KANK3: variants seen among roughly 807,000 people sequenced by gnomAD.
The protein encoded by KANK3 is KN motif and ankyrin repeat domain-containing protein 3.
In KANK3, 61 loss-of-function variants were observed where a neutral mutation model predicts 65.4. The ratio of observed to expected loss-of-function variants is 0.93; its 90% CI spans 0.76 to 1.15. The LOEUF (loss-of-function observed/expected upper bound fraction) is 1.15, where lower values mean the gene tolerates loss of function less well. Among genes scored for constraint, KANK3 ranks in the 50% most tolerant of loss-of-function variants. KANK3 has a pLI of 0.00. For synonymous variants in KANK3, 586 were observed against 543.3 expected, an observed-to-expected ratio of 1.08 and a Z score of -1.09; for missense variants, 1,187 against 1,178.8, an observed-to-expected ratio of 1.01 and a Z score of -0.10.
chr19:8,335,161 C>T lies in KANK3; in HGVS notation c.666G>A (p.Ala222=). The change falls in exon 3 of 11, where the codon GCG becomes GCA. Residue 222 remains alanine (A), a synonymous_variant. Coordinates refer to ENST00000330915, the MANE Select transcript of KANK3 (RefSeq NM_198471.3). ...GCTGCGCGCGCCCGGCCAGCAGCCGCGCCTTCTCGGCGCGCAGCGCGCGCA... is the reference window on the plus strand; with the variant it reads ...GCTGCGCGCGCCCGGCCAGCAGCCGTGCCTTCTCGGCGCGCAGCGCGCGCA... The part of the protein sequence containing the change: ...EQVRALRAEK[A]RLLAGRAQPE... 1 of 1,215,920 alleles carries T rather than the reference C, an allele frequency of 8.2e-7. No homozygotes were observed. Among genetic ancestry groups the T allele is most frequent in the Non-Finnish European group, 1.0e-6 (1 of 978,900 alleles). 75.3% of individuals were successfully genotyped at this position (1,215,920 alleles called of 1,614,324 possible). A position where few individuals can be genotyped will look rare whatever the true frequency, so the allele number is the denominator to read the frequency against.
At chr19:8,342,286 G>A (rs1280582754) in intron 1 of KANK3, among the ~76,000 whole-genome samples, 1 of 152,098 alleles carries the variant, frequency 6.6e-6, no homozygotes, top group Non-Finnish European at 1.5e-5. Flanking sequence ...AACCACCAAG[G>A]AGCCTCAGGG....
intron 7 of KANK3, among the ~76,000 whole-genome samples, chr19:8,328,458 TTC>T (rs1970467690): frequency 6.7e-6 from 1 of 148,866 alleles, no homozygotes; most frequent in African/African-American, 2.5e-5. Context: ...TTCCTGAAAG[TTC>T]TGTGGGAGCA....
In KANK3 at chr19:8,322,908, A is replaced by G. The variant is rs1400470425; in HGVS notation, c.2397T>C (p.Pro799=). 2 of 1,544,694 alleles carry G rather than the reference A, an allele frequency of 1.3e-6. No individual in the cohort carries two copies. The highest frequency in any genetic ancestry group is 1.7e-6 in the Non-Finnish European group (2 of 1,145,454). Residue 799 remains proline, a synonymous_variant, in exon 11 of 11, where the codon CCT becomes CCC. Transcript: ENST00000330915. ...GQPDTQSESP[P]GSQTATPGEG... ...CACCAGGTGTGGCTGTCTGGGAGCC[A>G]GGGGGTGACTCGCTCTGGAGAGAGG...
In KANK3 at chr19:8,334,181, G is replaced by A. The variant is rs905443281; in HGVS notation, c.1428-65C>T. The stretch of plus-strand genomic sequence containing the variant: ...TGGGCTCGTTCTGGAGTCCTGCGAT[G>A]TGGGTGTGGCCGTTCCCATTTAACG... On this transcript the variant is annotated intron_variant, in intron 4 of 10. Coordinates refer to ENST00000330915, the MANE Select transcript of KANK3 (RefSeq NM_198471.3). The A allele has an allele frequency of 4.0e-6, 6 of 1,494,138 alleles. No individual in the cohort carries two copies. In the African/African-American group the frequency reaches 7.0e-5, roughly 17 times the overall value. 92.6% of individuals were successfully genotyped at this position (1,494,138 alleles called of 1,614,324 possible).
chr19:8,324,583 A>G, intron 9 of KANK3, 36 bp from the exon 10 acceptor site: 3 of 1,612,524 alleles, frequency 1.9e-6, no homozygotes, highest in South Asian at 2.2e-5. Flanking sequence ...TCCCTGAGCC[A>G]AGCCATGGGC....
intron 10 of KANK3, 186 bp from the exon 11 acceptor site, chr19:8,323,108 G>A: frequency 4.2e-6 from 2 of 477,204 alleles, no homozygotes; most frequent in East Asian, 7.1e-5. Context: ...CCCTTCCAGT[G>A]GGGTGAGTAC....
chr19:8,341,456 G>A (rs917447477), intron 1 of KANK3, among the ~76,000 whole-genome samples: 8 of 152,074 alleles, frequency 5.3e-5, no homozygotes, highest in Admixed American at 4.6e-4. Context: ...TGTCGCCCAG[G>A]CTGGAGTGCA....
Position 8,335,224 on chromosome 19 carries a change from C to T in KANK3, c.603G>A (p.Glu201=). 6 of 1,226,978 alleles carry T rather than the reference C, an allele frequency of 4.9e-6. No individual in the cohort carries two copies. The highest frequency in any genetic ancestry group is 6.1e-6 in the Non-Finnish European group (6 of 983,104). 76.0% of individuals were successfully genotyped at this position (1,226,978 alleles called of 1,614,324 possible). Residue 201 remains glutamate, a synonymous_variant, in exon 3 of 11, where the codon GAG becomes GAA. Transcript: ENST00000330915. The stretch of plus-strand genomic sequence containing the variant: ...GCTCGGGCAGCGTTCGCGCCTGGTC[C>T]TCGAGCTCGCGCAGGCGCCGCAGCG... ...AAALRRLREL[E]DQARTLPELQ... is the part of the protein sequence containing the mutation.
chr19:8,324,318 A>T (rs996186641), intron 10 of KANK3, 131 bp downstream of exon 10: 1 of 754,886 alleles, frequency 1.3e-6, no homozygotes, highest in African/African-American at 1.8e-5. Flanking sequence ...ACATAGGAGA[A>T]TCCAGACACT....
rs760119579 is a variant in KANK3 at position 8,333,933 on chromosome 19, C to G, written c.1611G>C (p.Glu537Asp). ...ACCTCCCCTGTGCCACCTGCTGAGGCTCTGCCTCCGCCTCGGGCTCAGGGT... is the reference window on the plus strand; with the variant it reads ...ACCTCCCCTGTGCCACCTGCTGAGGGTCTGCCTCCGCCTCGGGCTCAGGGT... Reference protein sequence around the residue: ...IRDPEPEAEAEPQQVAQGRCE... With the variant: ...IRDPEPEAEADPQQVAQGRCE... The change falls in exon 5 of 11, where the codon GAG (glutamate) becomes GAC (aspartate). Residue 537 changes from glutamate (E) to aspartate (D), a missense_variant. Around this residue, in one of 3 missense-constraint regions of KANK3, gnomAD observed 1,078 missense variants for 1,038.2 expected, o/e 1.04. Transcript: ENST00000330915. This position sits in a 1 kb window ranked among gnomAD's most constrained non-coding sequence, Gnocchi z 5.0. The G allele has an allele frequency of 1.9e-6, 3 of 1,577,448 alleles. No homozygotes were observed. Among genetic ancestry groups the G allele is most frequent in the Non-Finnish European group, 2.6e-6 (3 of 1,164,766 alleles).
At chr19:8,332,849 A>G in intron 7 of KANK3, 165 bp downstream of exon 7, 1 of 355,200 alleles carries the variant, frequency 2.8e-6, no homozygotes, top group Non-Finnish European at 4.9e-6. Flanking sequence ...AATAAAATAA[A>G]ATAATAAAAT....
At position 8,333,712 on chromosome 19, in the gene KANK3, C is replaced by T. The variant is rs535792407; in HGVS notation, c.1719+12G>A. 1.5e-5 allele frequency: 22 copies of T among 1,448,920 alleles called. No individual in the cohort carries two copies. The Admixed American group carries it at 3.7e-4, about 24-fold the overall frequency. The allele number at this position is 1,448,920 out of a possible 1,614,324, so 89.8% of individuals were successfully genotyped here. A position where few individuals can be genotyped will look rare whatever the true frequency, so the allele number is the denominator to read the frequency against. On this transcript the variant is annotated intron_variant, in intron 6 of 10. Coordinates refer to ENST00000330915, the MANE Select transcript of KANK3 (RefSeq NM_198471.3). This position sits in a 1 kb window ranked among gnomAD's most constrained non-coding sequence, Gnocchi z 5.0. The stretch of plus-strand genomic sequence containing the variant: ...ACGCCACTCCCTGGTGCTGCGCTCC[C>T]GGGGCACTCACGCCGTCGCTGGCTA...
Position 8,333,725 on chromosome 19 carries a change from C to T in KANK3, c.1718G>A (p.Gly573Asp). The part of the protein sequence containing the change: ...LSRPRGVASD[G>D]GAVRLVAQEW... The stretch of plus-strand genomic sequence containing the variant: ...GTGCTGCGCTCCCGGGGCACTCACG[C>T]CGTCGCTGGCTACTCCGCGGGGCCG... The change falls in exon 6 of 11, where the codon GGC becomes GAC. Residue 573 changes from glycine to aspartate, a missense_variant and splice_region_variant. Around this residue, in one of 3 missense-constraint regions of KANK3, gnomAD observed 1,078 missense variants for 1,038.2 expected, o/e 1.04. Transcript: ENST00000330915. The surrounding 1 kb of genome is among the most constrained non-coding windows in gnomAD (Gnocchi z 5.0). The T allele has an allele frequency of 6.9e-7, 1 of 1,454,580 alleles. No individual in the cohort carries two copies. The highest frequency in any genetic ancestry group is 1.4e-5 in the South Asian group (1 of 71,362). The allele number at this position is 1,454,580 out of a possible 1,614,324, so 90.1% of individuals were successfully genotyped here. A position where few individuals can be genotyped will look rare whatever the true frequency, so the allele number is the denominator to read the frequency against.
chr19:8,332,816 AAAAATAAAATAAAATAAAAT>A (rs71175837), intron 7 of KANK3, 178 bp downstream of exon 7: 9 of 239,982 alleles, frequency 3.8e-5, no homozygotes, highest in Non-Finnish European at 6.0e-5. Context: ...ACTCCGTCTC[AAAAATAAAATAAAATAAAAT>A]AAAATAAAAT....
chr19:8,328,719 T>A (rs886915247), intron 7 of KANK3, among the ~76,000 whole-genome samples: 2 of 151,436 alleles, frequency 1.3e-5, no homozygotes, highest in Admixed American at 1.3e-4. Flanking sequence ...GGTCGGGAAG[T>A]GGGGAGCTGA....
chr19:8,334,362 G>C lies in KANK3; in HGVS notation c.1385C>G (p.Ser462Cys). 6.2e-7 allele frequency: 1 copy of C among 1,614,178 alleles called. No homozygotes were observed. Among genetic ancestry groups the C allele is most frequent in the Non-Finnish European group, 8.5e-7 (1 of 1,180,026 alleles). ...RDGTPGAQPSSGPKSLQFVGV... is the reference protein window; with the variant it reads ...RDGTPGAQPSCGPKSLQFVGV... ...AACAAACTGCAGGCTCTTGGGTCCG[G>C]AGCTGGGTTGGGCACCAGGTGTGCC... is the stretch of plus-strand genomic sequence containing the variant. Residue 462 changes from serine to cysteine, a missense_variant, in exon 4 of 11, where the codon TCC (serine) becomes TGC (cysteine). Coordinates refer to ENST00000330915, the MANE Select transcript of KANK3 (RefSeq NM_198471.3).
rs1970725232 is a variant in KANK3 at position 8,341,711 on chromosome 19, C to T, written c.-29+1514G>A. Among the ~76,000 whole-genome samples the T allele has an allele frequency of 1.3e-5, 2 of 152,312 alleles. 1 individual carries two copies. The highest frequency in any genetic ancestry group is 2.9e-5 in the Non-Finnish European group (2 of 68,028). Reference sequence around the variant, plus strand: ...TTGCTATATTGCCCAGGCTGGCCTCCAACTCCTGGGCTCAAGCAATCTTCC... The same window carrying T: ...TTGCTATATTGCCCAGGCTGGCCTCTAACTCCTGGGCTCAAGCAATCTTCC... On this transcript the variant is annotated intron_variant, in intron 1 of 10. Coordinates refer to ENST00000330915, the MANE Select transcript of KANK3 (RefSeq NM_198471.3).
At position 8,333,589 on chromosome 19, in the gene KANK3, C is replaced by A; in HGVS notation, c.1719+135G>T. ...ATCGGCGCTGTCCTGGGAAGGAGAT[C>A]CCTTCGGAGAGCCTGGGGTCAGGCG... is the stretch of plus-strand genomic sequence containing the variant. On this transcript the variant is annotated intron_variant, in intron 6 of 10. Coordinates refer to ENST00000330915, the MANE Select transcript of KANK3 (RefSeq NM_198471.3). The surrounding 1 kb of genome is among the most constrained non-coding windows in gnomAD (Gnocchi z 5.0). The A allele has an allele frequency of 1.4e-6, 1 of 704,882 alleles. No homozygotes were observed. The highest frequency in any genetic ancestry group is 3.3e-5 in the Admixed American group (1 of 30,300). The allele number at this position is 704,882 out of a possible 1,614,324, so 43.7% of individuals were successfully genotyped here. A position where few individuals can be genotyped will look rare whatever the true frequency, so the allele number is the denominator to read the frequency against.
chr19:8,337,227 G>A (rs1156602041), intron 2 of KANK3, among the ~76,000 whole-genome samples: 1 of 109,322 alleles, frequency 9.1e-6, no homozygotes, highest in Non-Finnish European at 1.7e-5. Context: ...TTTTTGAGAC[G>A]CAGTCTCGCT....
Sources: gnomAD v4.1 joint callset for allele counts (sites outside exome capture counted in the v4.1 genomes callset) on GRCh38, gnomAD v4.1.1 for gene constraint, gnomAD v4.1.1 regional missense constraint, Gnocchi (gnomAD v3.1) non-coding constraint, MANE v1.5 for transcripts, NCBI Gene and HGNC (gene_info 2026-07-23, HGNC 2026-07-21) for gene names.